The following ARFGEF2 variants were observed in gnomAD, a reference collection of about 807,000 sequenced individuals.
ARFGEF2 encodes ARF guanine nucleotide exchange factor 2.
A neutral mutation model predicts 219.9 loss-of-function variants in ARFGEF2; 74 were observed. The observed-to-expected ratio is 0.34, with a 90% confidence interval of 0.28 to 0.41. The LOEUF is 0.41. Ranked by LOEUF, ARFGEF2 falls within the 10% of genes least tolerant of loss-of-function variation. The pLI, the probability that ARFGEF2 is intolerant of heterozygous loss-of-function variation, is 1.00. For missense variants in ARFGEF2, 1,743 were observed against 2,218.3 expected (o/e 0.79, Z 4.30); for synonymous variants, 733 against 799.2 (o/e 0.92, Z 1.40).
intron 19 of ARFGEF2, 54 bp downstream of exon 19, chr20:48,989,490 G>T (rs73909765): frequency 6.2e-7 from 1 of 1,614,170 alleles, no homozygotes; most frequent in Non-Finnish European, 8.5e-7. Flanking sequence ...TCTGAAGCTG[G>T]CCAGCGAGAA....
chr20:49,032,269 A>C, intron 38 of ARFGEF2, 103 bp downstream of exon 38: 2 of 842,460 alleles, frequency 2.4e-6, no homozygotes, highest in Non-Finnish European at 4.1e-6. Context: ...TCTCCCAAGG[A>C]TGGTTACGTG....
intron 35 of ARFGEF2, among the ~76,000 whole-genome samples, chr20:49,023,677 T>C (rs952296382): frequency 6.6e-6 from 1 of 151,710 alleles, no homozygotes; most frequent in Non-Finnish European, 1.5e-5. Context: ...TAGCTGGGAC[T>C]ACAGGCGCCC....
intron 7 of ARFGEF2, among the ~76,000 whole-genome samples, 186 bp from the exon 8 acceptor site, chr20:48,965,686 C>T (rs1184909735): frequency 5.3e-5 from 8 of 152,162 alleles, no homozygotes; most frequent in Middle Eastern, 3.2e-3. Context: ...AACAAACACT[C>T]GTAAGGCTTA....
chr20:48,928,261 C>G (rs1172186046), intron 1 of ARFGEF2, among the ~76,000 whole-genome samples: 1 of 120,292 alleles, frequency 8.3e-6, no homozygotes, highest in African/African-American at 3.2e-5. Flanking sequence ...TGCAGTGGCG[C>G]GATCTCGGCT....
chr20:48,986,122 G>T (rs1303124265), intron 16 of ARFGEF2, among the ~76,000 whole-genome samples: 1 of 152,178 alleles, frequency 6.6e-6, no homozygotes, highest in Non-Finnish European at 1.5e-5. Context: ...AGTGGAAATA[G>T]GAAGGGGAAC....
chr20:49,004,347 GA>G (rs969127853), intron 25 of ARFGEF2, among the ~76,000 whole-genome samples: 2 of 151,912 alleles, frequency 1.3e-5, no homozygotes, highest in Non-Finnish European at 2.9e-5. Flanking sequence ...AAAGAAACAA[GA>G]AAAGAAAAGA....
At chr20:48,996,810 T>C (rs2091392906) in intron 23 of ARFGEF2, among the ~76,000 whole-genome samples, 2 of 151,340 alleles carry the variant, frequency 1.3e-5, no homozygotes, top group Non-Finnish European at 2.9e-5. Flanking sequence ...TTTTTTTTTT[T>C]TCTCCCCTCA....
chr20:48,936,454 G>A (rs562267796), intron 1 of ARFGEF2, among the ~76,000 whole-genome samples: 99 of 151,968 alleles, frequency 6.5e-4, no homozygotes, highest in African/African-American at 1.7e-3. Flanking sequence ...CTTCTCAGAC[G>A]GGGCGGCTGC....
intron 25 of ARFGEF2, among the ~76,000 whole-genome samples, chr20:49,004,000 A>ATC (rs2123497257): frequency 6.6e-6 from 1 of 152,288 alleles, no homozygotes; most frequent in Non-Finnish European, 1.5e-5. Flanking sequence ...ATATATATAT[A>ATC]TTTGGAGAAA....
intron 3 of ARFGEF2, among the ~76,000 whole-genome samples, chr20:48,950,468 A>G (rs2091058743): frequency 6.6e-6 from 1 of 152,004 alleles, no homozygotes; most frequent in South Asian, 2.1e-4. Flanking sequence ...GCTTTTTGAG[A>G]TAAAATTAAC....
Position 49,033,370 on chromosome 20 carries a change from T to G in ARFGEF2, c.*171T>G. Reference sequence around the variant, plus strand: ...TCCATCACAGTCTCCAACTAAGGCTTATGGTATTTCATTAAACTGTTGCAT... The same window carrying G: ...TCCATCACAGTCTCCAACTAAGGCTGATGGTATTTCATTAAACTGTTGCAT... On this transcript the variant is annotated 3_prime_UTR_variant, in exon 39 of 39. Transcript: ENST00000371917. 1.4e-6 allele frequency: 1 copy of G among 693,846 alleles called. No homozygotes were observed. Among genetic ancestry groups the G allele is most frequent in the Non-Finnish European group, 2.4e-6 (1 of 411,094 alleles). The allele number at this position is 693,846 out of a possible 1,614,324, so 43.0% of individuals were successfully genotyped here.
At chr20:49,027,188 C>T (rs1216428731) in intron 36 of ARFGEF2, among the ~76,000 whole-genome samples, 6 of 151,836 alleles carry the variant, frequency 4.0e-5, no homozygotes, top group South Asian at 2.1e-4. Context: ...TGGGTTCAAG[C>T]GATTCTCCTG....
At chr20:49,032,188 C>T (rs780203068) in intron 38 of ARFGEF2, 22 bp downstream of exon 38, 6 of 1,537,096 alleles carry the variant, frequency 3.9e-6, no homozygotes, top group South Asian at 3.4e-5. Flanking sequence ...TAAACTCTGA[C>T]CAATTTTCAC....
Position 49,008,148 on chromosome 20 carries a change from T to C in ARFGEF2, c.3585-2084T>C, listed in dbSNP as rs575121416. 3.3e-5 allele frequency among the ~76,000 whole-genome samples: 5 copies of C among 152,334 alleles called. No homozygotes were observed. In the South Asian group the frequency reaches 1.0e-3, roughly 32 times the overall value. ...CCAAAGCAGTTAATGTGAAATATAG[T>C]AAAGCGTTATATGTCACAGAAAATA... is the stretch of plus-strand genomic sequence containing the variant. On this transcript the variant is annotated intron_variant, in intron 26 of 38. Coordinates refer to ENST00000371917, the MANE Select transcript of ARFGEF2 (RefSeq NM_006420.3).
chr20:48,942,070 C>A (rs777022748), intron 3 of ARFGEF2, 83 bp downstream of exon 3: 1 of 1,560,828 alleles, frequency 6.4e-7, no homozygotes, highest in Non-Finnish European at 8.8e-7. Context: ...CTGGGGACCA[C>A]GCTGGCACTC....
At chr20:48,937,833 G>A (rs2090968302) in intron 1 of ARFGEF2, among the ~76,000 whole-genome samples, 2 of 152,166 alleles carry the variant, frequency 1.3e-5, no homozygotes, top group Non-Finnish European at 2.9e-5. Context: ...TACCTTTGCT[G>A]TGGTCATGCC....
At chr20:48,974,388 A>G (rs1021135756) in intron 12 of ARFGEF2, among the ~76,000 whole-genome samples, 10 of 152,136 alleles carry the variant, frequency 6.6e-5, no homozygotes, top group Non-Finnish European at 1.0e-4. Context: ...CTGGGATTAC[A>G]GGCGTGAGCC....
intron 21 of ARFGEF2, 138 bp from the exon 22 acceptor site, chr20:48,994,313 G>T: frequency 9.9e-7 from 1 of 1,007,254 alleles, no homozygotes; most frequent in South Asian, 1.3e-5. Context: ...TTTATTGAGA[G>T]CTTACTAAAT....
intron 34 of ARFGEF2, among the ~76,000 whole-genome samples, chr20:49,021,028 A>G (rs1385682767): frequency 3.3e-5 from 5 of 152,132 alleles, no homozygotes; most frequent in Admixed American, 3.3e-4. Flanking sequence ...CATAAGTTGA[A>G]TGTACATCTT....
Sources: gnomAD v4.1 joint callset for allele counts (sites outside exome capture counted in the v4.1 genomes callset) on GRCh38, gnomAD v4.1.1 for gene constraint, MANE v1.5 for transcripts, NCBI Gene and HGNC (gene_info 2026-07-23, HGNC 2026-07-21) for gene names.